Variants in UNC79 observed in about 807,000 individuals in gnomAD.
The protein encoded by UNC79 is protein unc-79 homolog.
Under a neutral mutation model 283.1 loss-of-function variants are expected in UNC79, and 37 were observed. That is an observed-to-expected ratio of 0.13 (90% CI 0.10 to 0.17). The LOEUF (loss-of-function observed/expected upper bound fraction) is 0.17, where lower values mean the gene tolerates loss of function less well. Ranked by LOEUF, UNC79 falls within the 10% of genes least tolerant of loss-of-function variation. The pLI is 1.00. For synonymous variants in UNC79, 1,107 were observed against 1,200.2 expected (o/e 0.92, Z 1.61); for missense variants, 2,272 against 3,211.1 (o/e 0.71, Z 7.07).
chr14:93,630,287 G>A (rs75077585), intron 30 of UNC79, among the ~76,000 whole-genome samples: 7,142 of 152,246 alleles, frequency 0.047, 549 homozygotes, highest in African/African-American at 0.16. Flanking sequence ...AAGGTGCTCT[G>A]TAATTACATC....
intron 14 of UNC79, among the ~76,000 whole-genome samples, chr14:93,557,224 C>T (rs993587009): frequency 6.6e-6 from 1 of 152,166 alleles, no homozygotes; most frequent in African/African-American, 2.4e-5. Context: ...GTGAATACAT[C>T]AAACCATAAC....
At chr14:93,627,588 A>T (rs2067668106) in intron 30 of UNC79, among the ~76,000 whole-genome samples, 1 of 152,204 alleles carries the variant, frequency 6.6e-6, no homozygotes, top group African/African-American at 2.4e-5. Flanking sequence ...CGTGTTGCAC[A>T]GGCACTTTCC....
chr14:93,404,493 A>AAAAAATATATATATATATATAT, intron 1 of UNC79, among the ~76,000 whole-genome samples: 9 of 61,494 alleles, frequency 1.5e-4, no homozygotes, highest in Admixed American at 4.7e-4. Context: ...TTCTAAAAAA[A>AAAAAATATATATATATATATAT]ATATATATAT....
chr14:93,689,571 C>T (rs527276278), intron 44 of UNC79: 5 of 146,596 alleles, frequency 3.4e-5, no homozygotes, highest in Non-Finnish European at 5.9e-5. Context: ...CTAACTGCAA[C>T]CTTCGCCTCC....
intron 11 of UNC79, among the ~76,000 whole-genome samples, chr14:93,534,072 ATAG>A (rs1382545650): frequency 1.3e-5 from 2 of 152,246 alleles, no homozygotes; most frequent in Non-Finnish European, 2.9e-5. Flanking sequence ...GGACAGGATC[ATAG>A]CAATAAGCTT....
chr14:93,600,008 G>A (rs1456448081), intron 24 of UNC79, among the ~76,000 whole-genome samples: 2 of 151,468 alleles, frequency 1.3e-5, no homozygotes, highest in African/African-American at 2.4e-5. Flanking sequence ...GAGACCATCC[G>A]GCTAACACAG....
At chr14:93,443,424 C>CTTTTTTTT (rs144182882) in intron 1 of UNC79, among the ~76,000 whole-genome samples, 1 of 138,868 alleles carries the variant, frequency 7.2e-6, no homozygotes, top group African/African-American at 2.7e-5. Context: ...TGTCTGACTT[C>CTTTTTTTT]TTTTTTTTTT....
Position 93,366,933 on chromosome 14 carries a change from C to G in UNC79, c.-351+33410C>G, listed in dbSNP as rs183901968. Among the ~76,000 whole-genome samples, 552 of 152,152 alleles carry G rather than the reference C, an allele frequency of 3.6e-3. 5 individuals are homozygous for G. Among genetic ancestry groups the G allele is most frequent in the African/African-American group, 0.013 (530 of 41,520 alleles). On this transcript the variant is annotated intron_variant, in intron 1 of 49. Transcript: ENST00000256339. ...AGTGCTAGGACTCTTGATTCTTAAC[C>G]AAAAGACAGTATTACCAAGGACACA...
At chr14:93,415,170 C>G (rs1216441972) in intron 1 of UNC79, among the ~76,000 whole-genome samples, 1 of 152,132 alleles carries the variant, frequency 6.6e-6, no homozygotes, top group Non-Finnish European at 1.5e-5. Context: ...TCATAGTTAG[C>G]TCTTATTATT....
At chr14:93,651,912 ATT>A (rs71129653) in intron 35 of UNC79, among the ~76,000 whole-genome samples, 1,428 of 46,612 alleles carry the variant, frequency 0.031, 35 homozygotes, top group African/African-American at 0.092. Context: ...CTAATTTTGT[ATT>A]TTTTTTTTTT....
intron 31 of UNC79, among the ~76,000 whole-genome samples, chr14:93,635,136 T>C (rs2068399290): frequency 6.6e-6 from 1 of 152,168 alleles, no homozygotes; most frequent in South Asian, 2.1e-4. Context: ...CACACCCCCA[T>C]GCTCATAAGA....
chr14:93,495,094 C>T (rs902290440), intron 5 of UNC79, among the ~76,000 whole-genome samples: 2 of 152,180 alleles, frequency 1.3e-5, no homozygotes. Flanking sequence ...AACTGAGTCA[C>T]GTGGCCATCT....
intron 15 of UNC79, 79 bp downstream of exon 15, chr14:93,572,163 C>T: frequency 7.0e-7 from 1 of 1,433,944 alleles, no homozygotes; most frequent in Non-Finnish European, 9.3e-7. Context: ...ATGCCGGTCA[C>T]CCTACTAAGC....
chr14:93,591,845 A>G (rs2064707119), intron 22 of UNC79, among the ~76,000 whole-genome samples: 1 of 152,202 alleles, frequency 6.6e-6, no homozygotes, highest in Non-Finnish European at 1.5e-5. Flanking sequence ...TGTGATTTGC[A>G]ATTTACTGGA....
intron 35 of UNC79, among the ~76,000 whole-genome samples, chr14:93,648,859 C>T (rs575582817): frequency 9.6e-4 from 146 of 152,328 alleles, no homozygotes; most frequent in African/African-American, 3.3e-3. Flanking sequence ...CTGAGTTTGA[C>T]TTACCAGATT....
intron 25 of UNC79, among the ~76,000 whole-genome samples, chr14:93,602,879 G>A (rs953963230): frequency 5.3e-5 from 8 of 151,988 alleles, no homozygotes; most frequent in African/African-American, 1.7e-4. Flanking sequence ...GGCCTCAAGG[G>A]ATCCTCCCAC....
At chr14:93,589,260 C>T (rs79398362) in intron 22 of UNC79, among the ~76,000 whole-genome samples, 2,221 of 151,964 alleles carry the variant, frequency 0.015, 54 homozygotes, top group African/African-American at 0.051. Flanking sequence ...TACTGGGGAC[C>T]GGGGACTGGT....
intron 47 of UNC79, among the ~76,000 whole-genome samples, chr14:93,699,504 A>G (rs1230332688): frequency 6.6e-6 from 1 of 151,992 alleles, no homozygotes; most frequent in Non-Finnish European, 1.5e-5. Context: ...GTTAATTTCC[A>G]GTTTGGTTTC....
In UNC79 at chr14:93,677,415, A is replaced by G. The variant is rs150222854; in HGVS notation, c.6741+3960A>G. ...ATTGAGGAGCAAATTCATGTCTTAC[A>G]TGGCAGCAGGCAAAAGAGCTTGTGC... On this transcript the variant is annotated intron_variant, in intron 41 of 48. Coordinates refer to ENST00000555664, the Ensembl canonical transcript of UNC79. Among the ~76,000 whole-genome samples, 413 of 152,340 alleles carry G rather than the reference A, an allele frequency of 2.7e-3. 2 individuals carry two copies. The highest frequency in any genetic ancestry group is 9.5e-3 in the African/African-American group (394 of 41,568).
Sources: gnomAD v4.1 joint callset for allele counts (sites outside exome capture counted in the v4.1 genomes callset) on GRCh38, gnomAD v4.1.1 for gene constraint, MANE v1.5 for transcripts, NCBI Gene and HGNC (gene_info 2026-07-23, HGNC 2026-07-21) for gene names.